The following DOCK1 variants were observed in gnomAD, a reference collection of about 807,000 sequenced individuals.
DOCK1 encodes dedicator of cytokinesis protein 1.
A neutral mutation model predicts 262.7 loss-of-function variants in DOCK1; 138 were observed. The ratio of observed to expected loss-of-function variants is 0.53; its 90% CI spans 0.46 to 0.61. The LOEUF (loss-of-function observed/expected upper bound fraction) is 0.61, where lower values mean the gene tolerates loss of function less well. Ranked by LOEUF, DOCK1 falls within the 20% of genes least tolerant of loss-of-function variation. The pLI is 0.00. For missense variants in DOCK1, 1,908 were observed against 2,370.7 expected (o/e 0.80, Z 4.05); for synonymous variants, 866 against 867.4 (o/e 1.00, Z 0.03).
intron 49 of DOCK1, among the ~76,000 whole-genome samples, chr10:127,440,467 T>C (rs2070033250): frequency 6.6e-6 from 1 of 151,796 alleles, no homozygotes; most frequent in Admixed American, 6.6e-5. Flanking sequence ...AAAGAAGGAG[T>C]TCTCATGGGC....
chr10:127,306,237 A>G (rs2061871181), intron 29 of DOCK1, among the ~76,000 whole-genome samples: 1 of 151,332 alleles, frequency 6.6e-6, no homozygotes, highest in African/African-American at 2.4e-5. Flanking sequence ...CTGGTCTCAA[A>G]CTCCTGACTT....
At position 127,042,556 on chromosome 10, in the gene DOCK1, T is replaced by C. The variant is rs186359778; in HGVS notation, c.2011-69T>C. The C allele has an allele frequency of 6.0e-5, 80 of 1,343,994 alleles. No homozygotes were observed. In the African/African-American group the frequency reaches 1.0e-3, roughly 18 times the overall value. The allele number at this position is 1,343,994 out of a possible 1,614,324, so 83.3% of individuals were successfully genotyped here. ...GGTATTTGGAGTACTGCAGAGATGA[T>C]AGTTATTCCAGTGTGTGGGGGAAGT... On this transcript the variant is annotated intron_variant, in intron 19 of 51. Coordinates refer to ENST00000623213, the MANE Select transcript of DOCK1 (RefSeq NM_001290223.2).
chr10:126,946,667 G>C (rs2035432173), intron 1 of DOCK1, among the ~76,000 whole-genome samples: 1 of 152,222 alleles, frequency 6.6e-6, no homozygotes, highest in African/African-American at 2.4e-5. Context: ...GAATTGCACA[G>C]TATTTGTCCT....
At chr10:127,353,347 G>C (rs1457381002) in intron 31 of DOCK1, among the ~76,000 whole-genome samples, 1 of 152,182 alleles carries the variant, frequency 6.6e-6, no homozygotes, top group Non-Finnish European at 1.5e-5. Context: ...GGGAATGGGG[G>C]AGCCAGCACT....
intron 1 of DOCK1, among the ~76,000 whole-genome samples, chr10:126,966,096 C>A (rs1453766413): frequency 6.6e-6 from 1 of 152,162 alleles, no homozygotes; most frequent in South Asian, 2.1e-4. Flanking sequence ...TTAGCTTCCA[C>A]CTATGAGTGA....
intron 1 of DOCK1, among the ~76,000 whole-genome samples, chr10:126,955,672 A>T (rs1236683527): frequency 1.3e-5 from 2 of 152,114 alleles, no homozygotes; most frequent in Non-Finnish European, 2.9e-5. Flanking sequence ...GTGAGCTGGC[A>T]GGCAGGAGGG....
At chr10:127,385,316 C>G (rs1274337863) in intron 38 of DOCK1, among the ~76,000 whole-genome samples, 1 of 152,016 alleles carries the variant, frequency 6.6e-6, no homozygotes, top group Admixed American at 6.6e-5. Flanking sequence ...TTGGCTTAAA[C>G]AAAATTATAG....
At chr10:127,328,213 T>C (rs2062825584) in intron 29 of DOCK1, among the ~76,000 whole-genome samples, 2 of 151,860 alleles carry the variant, frequency 1.3e-5, no homozygotes, top group Admixed American at 6.6e-5. Flanking sequence ...ATGATTGCAG[T>C]GTCCATAGCA....
intron 23 of DOCK1, among the ~76,000 whole-genome samples, chr10:127,070,498 C>A (rs923019562): frequency 4.6e-5 from 7 of 151,852 alleles, no homozygotes; most frequent in African/African-American, 1.7e-4. Flanking sequence ...GTGATCTGCC[C>A]GCCTCGGCCT....
At chr10:127,251,736 A>G (rs2134854288) in intron 28 of DOCK1, among the ~76,000 whole-genome samples, 1 of 150,178 alleles carries the variant, frequency 6.7e-6, no homozygotes, top group African/African-American at 2.4e-5. Context: ...GCTGCATAGT[A>G]TTCCATGGTG....
intron 29 of DOCK1, among the ~76,000 whole-genome samples, chr10:127,320,022 C>A (rs1303587460): frequency 6.6e-6 from 1 of 152,140 alleles, no homozygotes; most frequent in Non-Finnish European, 1.5e-5. Context: ...GAATCTGCCT[C>A]GTGGGCTGTC....
chr10:126,918,634 TG>T (rs1222035822), intron 1 of DOCK1, among the ~76,000 whole-genome samples: 4 of 152,198 alleles, frequency 2.6e-5, no homozygotes, highest in Admixed American at 6.5e-5. Context: ...GGGATATCAC[TG>T]GTATTTTAAT....
intron 12 of DOCK1, among the ~76,000 whole-genome samples, chr10:127,016,783 C>T (rs1045481091): frequency 1.1e-4 from 11 of 103,010 alleles, no homozygotes; most frequent in South Asian, 6.7e-4. Context: ...CACAGACACA[C>T]GCGCACACAC....
At chr10:127,319,334 A>C (rs2062419607) in intron 29 of DOCK1, among the ~76,000 whole-genome samples, 1 of 152,240 alleles carries the variant, frequency 6.6e-6, no homozygotes. Flanking sequence ...TATGTGGGAC[A>C]ATGGGGAAGA....
intron 31 of DOCK1, among the ~76,000 whole-genome samples, chr10:127,350,178 A>G (rs2063815998): frequency 6.6e-6 from 1 of 152,156 alleles, no homozygotes; most frequent in Admixed American, 6.5e-5. Context: ...ATGCATGTAT[A>G]TTAATATATG....
intron 10 of DOCK1, among the ~76,000 whole-genome samples, chr10:127,005,997 C>T (rs1565054719): frequency 6.6e-6 from 1 of 152,354 alleles, no homozygotes; most frequent in East Asian, 1.9e-4. Context: ...TTCTCAATGG[C>T]TGCAGCCTGT....
intron 2 of DOCK1, among the ~76,000 whole-genome samples, chr10:126,971,977 C>T (rs151138835): frequency 0.059 from 8,993 of 151,908 alleles, 271 homozygotes; most frequent in Middle Eastern, 0.11. Flanking sequence ...AGTGCAATGG[C>T]GCGATTTTGG....
chr10:126,998,344 C>A, intron 8 of DOCK1, 95 bp downstream of exon 8: 2 of 1,514,214 alleles, frequency 1.3e-6, no homozygotes, highest in Non-Finnish European at 1.8e-6. Context: ...TGCTGAGAGG[C>A]CTTGGATGAA....
chr10:126,967,373 T>C (rs2037750714), intron 1 of DOCK1, among the ~76,000 whole-genome samples: 1 of 152,204 alleles, frequency 6.6e-6, no homozygotes, highest in African/African-American at 2.4e-5. Flanking sequence ...GTTTTTCTCA[T>C]GTCACTCAAG....
Sources: gnomAD v4.1 joint callset for allele counts (sites outside exome capture counted in the v4.1 genomes callset) on GRCh38, gnomAD v4.1.1 for gene constraint, MANE v1.5 for transcripts, NCBI Gene and HGNC (gene_info 2026-07-23, HGNC 2026-07-21) for gene names.